Variants in GPAT2 observed in about 807,000 individuals in gnomAD.
GPAT2 encodes the protein 1-acylglycerol-3-phosphate O-acyltransferase GPAT2.
GPAT2 carries 51 observed loss-of-function variants against 71.0 expected under a neutral mutation model. The observed-to-expected ratio is 0.72, with a 90% CI of 0.57 to 0.91. The LOEUF (loss-of-function observed/expected upper bound fraction) is 0.91. GPAT2 is among the 40% of genes least tolerant of loss of function. The probability of loss-of-function intolerance (pLI) is 0.00; values close to 1 mark genes in which losing one functional copy is unlikely to be tolerated. For synonymous variants in GPAT2, 222 were observed against 290.3 expected (o/e 0.76, Z 2.39); for missense variants, 511 against 666.0 (o/e 0.77, Z 2.56).
In GPAT2 at chr2:96,026,220, C is replaced by T. The variant is rs751140867; in HGVS notation, c.1118G>A (p.Cys373Tyr). 3 of 1,611,692 alleles carry T rather than the reference C, an allele frequency of 1.9e-6. No homozygotes were observed. Residue 373 changes from cysteine to tyrosine, a missense_variant, in exon 11 of 22, where the codon TGC becomes TAC. This residue lies in a region of GPAT2 where 79 missense variants were observed against 111.4 expected (regional missense o/e 0.71). Transcript: ENST00000434632. ...WSRWGCSHRI[C>Y]SRVHLAQPFS... ...GGGCTGAGCTAGGTGCACCCGGGAG[C>T]AGATCCGGTGGCTGCAGCCCCAGCG...
Position 96,023,903 on chromosome 2 carries a change from T to TC in GPAT2, c.1914+19dup. The TC allele has an allele frequency of 6.4e-7, 1 of 1,569,200 alleles. No homozygotes were observed. Among genetic ancestry groups the TC allele is most frequent in the East Asian group, 2.3e-5 (1 of 42,900 alleles). On this transcript the variant is annotated intron_variant, in intron 17 of 21. Transcript: ENST00000434632. ...GGCCAGGCTCCAGGCAAGGATCTTG[T>TC]CTCCAACTGCCCTGCCTACCTCCTC...
intron 20 of GPAT2, 86 bp downstream of exon 20, chr2:96,022,872 T>G: frequency 6.2e-7 from 1 of 1,612,036 alleles, no homozygotes; most frequent in Non-Finnish European, 8.5e-7. Context: ...CTTCCTAGAG[T>G]TGGGTTGTCA....
chr2:96,024,557 C>T lies in GPAT2; in HGVS notation c.1557G>A (p.Arg519=), dbSNP rs1274875354. ...GGATGCGCAGCAGGGCCACGTGCGC[C>T]CGCAGCAGGCTCAGTGAGTGCTGCA... ...SLLQHSLSLL[R]AHVALLRIRQ... Residue 519 remains arginine (R), a synonymous_variant, in exon 15 of 22, where the codon CGG becomes CGA. Transcript: ENST00000434632. The T allele has an allele frequency of 6.2e-7, 1 of 1,613,938 alleles. No individual in the cohort carries two copies. Among genetic ancestry groups the T allele is most frequent in the East Asian group, 2.2e-5 (1 of 44,878 alleles).
At position 96,024,466 on chromosome 2, in the gene GPAT2, C is replaced by T; in HGVS notation, c.1648G>A (p.Ala550Thr). 3.1e-6 allele frequency: 5 copies of T among 1,614,030 alleles called. No homozygotes were observed. The highest frequency in any genetic ancestry group is 4.2e-6 in the Non-Finnish European group (5 of 1,179,966). The stretch of plus-strand genomic sequence containing the variant: ...CTCAGGAAGACGGGCAGCAGCTCAG[C>T]ACTCAGTTGTGCCAGGTGTGTGAGG... ...PGLTHLAQLS[A>T]ELLPVFLSEA... The change falls in exon 15 of 22, where the codon GCT becomes ACT. Residue 550 changes from alanine (A) to threonine (T), a missense_variant. Physicochemically the swap from Ala to Thr is moderately conservative, Grantham distance 58. Transcript: ENST00000434632.
rs753149320 is a variant in GPAT2 at position 96,023,058 on chromosome 2, G to C, written c.2168-35C>G. On this transcript the variant is annotated intron_variant, in intron 19 of 21. Coordinates refer to ENST00000434632, the MANE Select transcript of GPAT2 (RefSeq NM_001321527.2). ...AGAGAAGACCTAGACCTGGCACCCA[G>C]CACAGACACAGCCTGCCTCGAGGAC... is the stretch of plus-strand genomic sequence containing the variant. 6 of 1,613,898 alleles carry C rather than the reference G, an allele frequency of 3.7e-6. No homozygotes were observed. In the African/African-American group the frequency reaches 8.0e-5, roughly 22 times the overall value.
chr2:96,024,597 T>A lies in GPAT2; in HGVS notation c.1517A>T (p.Gln506Leu). 6.2e-7 allele frequency: 1 copy of A among 1,613,768 alleles called. No individual in the cohort carries two copies. The highest frequency in any genetic ancestry group is 1.1e-5 in the South Asian group (1 of 91,084). ...LRGFDVGFSG[Q>L]LRSLLQHSLS... is the part of the protein sequence containing the mutation. ...TGAGTGCTGCAGCAGGCTCCGCAGCTGCCCAGAGAAGCCTACATCAAAGCC... is the reference window on the plus strand; with the variant it reads ...TGAGTGCTGCAGCAGGCTCCGCAGCAGCCCAGAGAAGCCTACATCAAAGCC... Residue 506 changes from glutamine (Q) to leucine (L), a missense_variant, in exon 15 of 22, where the codon CAG (glutamine) becomes CTG (leucine). This residue lies in a region of GPAT2 where 295 missense variants were observed against 305.5 expected (regional missense o/e 0.97). Coordinates refer to ENST00000434632, the MANE Select transcript of GPAT2 (RefSeq NM_001321527.2).
At position 96,023,244 on chromosome 2, in the gene GPAT2, G is replaced by A. The variant is rs1307030910; in HGVS notation, c.2047-18C>T. The stretch of plus-strand genomic sequence containing the variant: ...TGGCTGAGCTGGAGGGGACAGGCCG[G>A]GGTGAGTGCAGCTCCCCACCGCCTC... On this transcript the variant is annotated intron_variant, in intron 18 of 21. Transcript: ENST00000434632. 1.9e-6 allele frequency: 3 copies of A among 1,612,602 alleles called. No individual in the cohort carries two copies. Among genetic ancestry groups the A allele is most frequent in the East Asian group, 2.2e-5 (1 of 44,802 alleles).
At chr2:96,025,388 C>T (rs546799225) in intron 13 of GPAT2, 97 bp downstream of exon 13, 2 of 1,450,226 alleles carry the variant, frequency 1.4e-6, no homozygotes, top group African/African-American at 1.4e-5. Flanking sequence ...ACCTCAGGTG[C>T]AGACACTTGG....
chr2:96,031,961 G>A lies in GPAT2; in HGVS notation c.177+72C>T, dbSNP rs540337763. On this transcript the variant is annotated intron_variant, in intron 3 of 21. Coordinates refer to ENST00000434632, the MANE Select transcript of GPAT2 (RefSeq NM_001321527.2). ...GAGCCAAGCTTGCAGGGACATAAAG[G>A]AAGCAGCTTCCCAGAGCTTCGGCTC... The A allele has an allele frequency of 2.8e-6, 4 of 1,443,136 alleles. No individual in the cohort carries two copies. The African/African-American group carries it at 6.1e-5, about 22-fold the overall frequency. 89.4% of individuals were successfully genotyped at this position (1,443,136 alleles called of 1,614,324 possible).
In GPAT2 at chr2:96,021,981, C is replaced by G. The variant is rs189607504; in HGVS notation, c.*178G>C. ...CTGGGGAAAAGACAACTCGTCTCGT[C>G]CCCTTGTTTATCACATCAAAGAAGG... On this transcript the variant is annotated 3_prime_UTR_variant, in exon 22 of 22. Coordinates refer to ENST00000434632, the MANE Select transcript of GPAT2 (RefSeq NM_001321527.2). 1.4e-6 allele frequency: 2 copies of G among 1,410,166 alleles called. No homozygotes were observed. Among genetic ancestry groups the G allele is most frequent in the Non-Finnish European group, 1.9e-6 (2 of 1,062,628 alleles). 87.4% of individuals were successfully genotyped at this position (1,410,166 alleles called of 1,614,324 possible).
At chr2:96,024,710 C>T (rs753310001) in intron 14 of GPAT2, 25 bp from the exon 15 acceptor site, 2 of 1,613,756 alleles carry the variant, frequency 1.2e-6, no homozygotes, top group East Asian at 2.2e-5. Context: ...CAGGGCTAGG[C>T]AGCAGGGCCA....
intron 13 of GPAT2, 190 bp from the exon 14 acceptor site, chr2:96,025,033 G>A (rs539072144): frequency 3.8e-5 from 25 of 665,836 alleles, no homozygotes; most frequent in Admixed American, 7.3e-5. Flanking sequence ...CCTTCCCCTG[G>A]ATCTCATCGT....
chr2:96,034,005 C>CAT (rs1457063332), intron 1 of GPAT2, among the ~76,000 whole-genome samples: 7 of 151,746 alleles, frequency 4.6e-5, no homozygotes, highest in South Asian at 4.2e-4. Context: ...TACATATATA[C>CAT]ATATATATAC....
chr2:96,025,843 C>T, intron 12 of GPAT2, 87 bp downstream of exon 12: 2 of 1,336,758 alleles, frequency 1.5e-6, no homozygotes. Context: ...GGGAGGGCTG[C>T]TAGTGTGTGT....
In GPAT2 at chr2:96,024,912, A is replaced by G. The variant is rs111227696; in HGVS notation, c.1358-69T>C. ...CAGCAGCCTGGTCCCTCCATGATCTAGCAAGTCTTCCTAGCCACACATCCC... is the reference window on the plus strand; with the variant it reads ...CAGCAGCCTGGTCCCTCCATGATCTGGCAAGTCTTCCTAGCCACACATCCC... On this transcript the variant is annotated intron_variant, in intron 13 of 21. Transcript: ENST00000434632. The G allele has an allele frequency of 5.2e-4, 806 of 1,564,026 alleles. 8 individuals are homozygous for G. The African/African-American group carries it at 8.2e-3, about 16-fold the overall frequency.
rs1037046025 is a variant in GPAT2 at position 96,022,018 on chromosome 2, A to G, written c.*141T>C. On this transcript the variant is annotated 3_prime_UTR_variant, in exon 22 of 22. Coordinates refer to ENST00000434632, the MANE Select transcript of GPAT2 (RefSeq NM_001321527.2). ...CACATCAAAGAAGGGAAAAAGCAAG[A>G]GATGGCAAGGGACAATCAAGCCTCA... 9 of 1,464,758 alleles carry G rather than the reference A, an allele frequency of 6.1e-6. No homozygotes were observed. Among genetic ancestry groups the G allele is most frequent in the Non-Finnish European group, 8.1e-6 (9 of 1,105,294 alleles). The allele number at this position is 1,464,758 out of a possible 1,614,324, so 90.7% of individuals were successfully genotyped here.
rs1679889702 is a variant in GPAT2 at position 96,023,139 on chromosome 2, CGGCAGCCTG to C, written c.2125_2133del (p.Gln709_Ala711del). On this transcript the variant is annotated inframe_deletion, in exon 19 of 22. Transcript: ENST00000434632. ...GGCAGCTGGCCCTGGCGGAGGAAGG[CGGCAGCCTG>C]TGCAAAGGCCTTGAGCAGCGGGCTG... The C allele has an allele frequency of 6.2e-7, 1 of 1,608,660 alleles. No individual in the cohort carries two copies. Among genetic ancestry groups the C allele is most frequent in the Non-Finnish European group, 8.5e-7 (1 of 1,177,208 alleles).
At position 96,023,920 on chromosome 2, in the gene GPAT2, T is replaced by A; in HGVS notation, c.1914+3A>T. ...GGATCTTGTCTCCAACTGCCCTGCC[T>A]ACCTCCTCAGCAACCAGGAGCCCGC... On this transcript the variant is annotated splice_donor_region_variant and intron_variant, in intron 17 of 21. Transcript: ENST00000434632. 2 of 1,591,778 alleles carry A rather than the reference T, an allele frequency of 1.3e-6. No homozygotes were observed.
Position 96,022,940 on chromosome 2 carries a change from T to C in GPAT2, c.2233+18A>G, listed in dbSNP as rs1167440836. ...CACCACTGCCTGCAGGAGCCTGGGC[T>C]GACTGGTTGGGACTCACCGAAGATC... is the stretch of plus-strand genomic sequence containing the variant. On this transcript the variant is annotated intron_variant, in intron 20 of 21. Coordinates refer to ENST00000434632, the MANE Select transcript of GPAT2 (RefSeq NM_001321527.2). The C allele has an allele frequency of 9.9e-6, 16 of 1,613,632 alleles. No individual in the cohort carries two copies. The highest frequency in any genetic ancestry group is 1.4e-5 in the Non-Finnish European group (16 of 1,179,880).
Sources: allele counts gnomAD v4.1 joint callset (sites outside exome capture counted in the v4.1 genomes callset), GRCh38; gene constraint gnomAD v4.1.1; regional missense constraint gnomAD v4.1.1; transcripts MANE v1.5; gene names NCBI Gene and HGNC (gene_info 2026-07-23, HGNC 2026-07-21).